TTLL11: variants seen among roughly 807,000 people sequenced by gnomAD.
TTLL11 encodes tubulin polyglutamylase TTLL11.
TTLL11 carries 42 observed loss-of-function variants against 51.7 expected under a neutral mutation model. The ratio of observed to expected loss-of-function variants is 0.81; its 90% CI spans 0.64 to 1.05. The LOEUF is 1.05. Ranked by LOEUF, TTLL11 falls within the 50% of genes least tolerant of loss-of-function variation. The pLI is 0.00. For missense variants in TTLL11, 799 were observed against 940.4 expected (o/e 0.85, Z 1.97); for synonymous variants, 381 against 383.5 (o/e 0.99, Z 0.08).
At chr9:122,076,335 G>C (rs140591273) in intron 1 of TTLL11, among the ~76,000 whole-genome samples, 1 of 152,112 alleles carries the variant, frequency 6.6e-6, no homozygotes, top group African/African-American at 2.4e-5. Flanking sequence ...CATGTGGTCC[G>C]GCCCCCGAGT....
At chr9:121,826,501 GTA>G (rs1218370792) in intron 8 of TTLL11, among the ~76,000 whole-genome samples, 3,363 of 33,396 alleles carry the variant, frequency 0.1, 237 homozygotes, top group African/African-American at 0.2. Context: ...ATATGTGTGT[GTA>G]TATATATATA....
chr9:121,835,536 A>G (rs1025078351), intron 8 of TTLL11, among the ~76,000 whole-genome samples: 1 of 152,236 alleles, frequency 6.6e-6, no homozygotes, highest in African/African-American at 2.4e-5. Flanking sequence ...AGAAGTCACT[A>G]TCACCTTTGT....
chr9:121,917,969 AT>A (rs11337199), intron 6 of TTLL11, among the ~76,000 whole-genome samples: 20,055 of 147,734 alleles, frequency 0.14, 1,678 homozygotes, highest in Non-Finnish European at 0.19. Context: ...AAAAGTAGGC[AT>A]TTTTTTTTTT....
At position 121,909,618 on chromosome 9, in the gene TTLL11, A is replaced by G. The variant is rs117448521; in HGVS notation, c.1482-38870T>C. Among the ~76,000 whole-genome samples, 40 of 152,270 alleles carry G rather than the reference A, an allele frequency of 2.6e-4. No individual in the cohort carries two copies. The East Asian group carries it at 7.5e-3, about 29-fold the overall frequency. ...CAGGGTCCATGGCAAATGAGTACCT[A>G]CATTCCAGGCATTGTGTTGGGAACT... On this transcript the variant is annotated intron_variant, in intron 6 of 8. Transcript: ENST00000321582.
intron 1 of TTLL11, chr9:122,040,528 G>A (rs939816088): frequency 1.7e-6 from 1 of 589,564 alleles, no homozygotes; most frequent in Non-Finnish European, 2.1e-6. Context: ...TTCAGAATTT[G>A]CTTGTTAAAA....
intron 6 of TTLL11, among the ~76,000 whole-genome samples, chr9:121,894,580 G>C (rs1185140623): frequency 1.3e-5 from 2 of 152,164 alleles, no homozygotes; most frequent in Non-Finnish European, 2.9e-5. Context: ...AAAAAGGGAA[G>C]AGTTCATGTC....
intron 3 of TTLL11, among the ~76,000 whole-genome samples, chr9:122,017,122 C>T (rs16911289): frequency 6.6e-6 from 1 of 151,950 alleles, no homozygotes; most frequent in Admixed American, 6.6e-5. Flanking sequence ...TCAGGTTTTC[C>T]GTTGTTTTAC....
At chr9:121,973,606 G>C (rs190475569) in intron 6 of TTLL11, among the ~76,000 whole-genome samples, 180 of 151,362 alleles carry the variant, frequency 1.2e-3, no homozygotes, top group Non-Finnish European at 2.3e-3. Flanking sequence ...GGTCAGGGGA[G>C]GGGGGAAGGA....
In TTLL11 at chr9:121,819,366, T is replaced by G. The variant is rs1836505441; in HGVS notation, c.*3221A>C. The G allele has an allele frequency of 6.6e-6, 1 of 152,174 alleles. No homozygotes were observed. The highest frequency in any genetic ancestry group is 6.6e-5 in the Admixed American group (1 of 15,266). 9.4% of individuals were successfully genotyped at this position (152,174 alleles called of 1,614,324 possible). A position where few individuals can be genotyped will look rare whatever the true frequency, so the allele number is the denominator to read the frequency against. On this transcript the variant is annotated 3_prime_UTR_variant, in exon 9 of 9. Coordinates refer to ENST00000321582, the MANE Select transcript of TTLL11 (RefSeq NM_001139442.2). ...CCCCGGGGCACACCCAAAGAAAGGG[T>G]AGGTGGGCCCAGTTCTGTGGGTCTG...
intron 6 of TTLL11, among the ~76,000 whole-genome samples, chr9:121,871,155 G>A (rs1481782260): frequency 1.3e-5 from 2 of 151,230 alleles, no homozygotes; most frequent in East Asian, 1.9e-4. Flanking sequence ...ACAGTTCAAC[G>A]AACAATTTGC....
intron 3 of TTLL11, among the ~76,000 whole-genome samples, chr9:122,015,704 A>G (rs954153661): frequency 1.3e-5 from 2 of 151,040 alleles, no homozygotes; most frequent in Non-Finnish European, 2.9e-5. Context: ...TAAGTTTCTC[A>G]TGCTCCGAGC....
chr9:122,082,208 A>G (rs186616396), intron 1 of TTLL11, among the ~76,000 whole-genome samples: 1 of 152,360 alleles, frequency 6.6e-6, no homozygotes, highest in Admixed American at 6.5e-5. Flanking sequence ...ATACACACTT[A>G]AAATGTCTGA....
At chr9:121,884,082 C>T (rs1397041400) in intron 6 of TTLL11, among the ~76,000 whole-genome samples, 2 of 152,356 alleles carry the variant, frequency 1.3e-5, no homozygotes, top group East Asian at 1.9e-4. Flanking sequence ...GTCCACGATA[C>T]AAGATGGCTT....
intron 8 of TTLL11, among the ~76,000 whole-genome samples, chr9:121,852,051 G>A (rs1351515304): frequency 6.6e-6 from 1 of 152,236 alleles, no homozygotes; most frequent in African/African-American, 2.4e-5. Context: ...GAGACTCGGG[G>A]CTGGCCCCTG....
chr9:121,966,509 A>AG (rs1373710025), intron 6 of TTLL11, among the ~76,000 whole-genome samples: 6 of 152,222 alleles, frequency 3.9e-5, no homozygotes, highest in African/African-American at 1.4e-4. Context: ...TGATGGAACA[A>AG]GCATCTTGCT....
At chr9:122,079,518 T>C (rs769277993) in intron 1 of TTLL11, among the ~76,000 whole-genome samples, 35 of 151,944 alleles carry the variant, frequency 2.3e-4, no homozygotes, top group South Asian at 6.2e-4. Flanking sequence ...GAGACCATTC[T>C]GGCTGACATG....
intron 7 of TTLL11, among the ~76,000 whole-genome samples, chr9:121,864,895 A>G (rs919695308): frequency 2.0e-5 from 3 of 152,212 alleles, no homozygotes. Flanking sequence ...TCCACTCCAT[A>G]AAATCCTATT....
At chr9:121,889,307 G>A (rs550116534) in intron 6 of TTLL11, among the ~76,000 whole-genome samples, 5 of 152,238 alleles carry the variant, frequency 3.3e-5, no homozygotes, top group Non-Finnish European at 7.4e-5. Flanking sequence ...CTGGAGTTGG[G>A]CTGGATTTGC....
intron 6 of TTLL11, among the ~76,000 whole-genome samples, chr9:121,882,200 C>A (rs1838822922): frequency 6.6e-6 from 1 of 152,178 alleles, no homozygotes; most frequent in Non-Finnish European, 1.5e-5. Context: ...GTAACCAGGA[C>A]CTGTCTGATG....
Sources: allele counts gnomAD v4.1 joint callset (sites outside exome capture counted in the v4.1 genomes callset), GRCh38; gene constraint gnomAD v4.1.1; transcripts MANE v1.5; gene names NCBI Gene and HGNC (gene_info 2026-07-23, HGNC 2026-07-21).